The following IL33 variants were observed in gnomAD, a reference collection of about 807,000 sequenced individuals.
The protein encoded by IL33 is interleukin 33.
IL33 carries 37 observed loss-of-function variants against 27.3 expected under a neutral mutation model. The ratio of observed to expected loss-of-function variants is 1.36; its 90% CI spans 1.04 to 1.78. IL33 has a LOEUF of 1.78. Ranked by LOEUF, IL33 falls within the 40% of genes most tolerant of loss-of-function variation. The pLI is 0.00. For missense variants in IL33, 406 were observed against 311.4 expected (o/e 1.30, Z -2.29); for synonymous variants, 132 against 102.9 (o/e 1.28, Z -1.71).
At chr9:6,234,703 C>A (rs1407956134) in intron 1 of IL33, among the ~76,000 whole-genome samples, 2 of 152,120 alleles carry the variant, frequency 1.3e-5, no homozygotes, top group Non-Finnish European at 2.9e-5. Context: ...GTCCTCACTG[C>A]TTTTTGCCTG....
chr9:6,253,256 G>A (rs1353608635), intron 5 of IL33, among the ~76,000 whole-genome samples: 1 of 152,150 alleles, frequency 6.6e-6, no homozygotes, highest in East Asian at 1.9e-4. Context: ...GGGGCCACAT[G>A]TATTTGCTAT....
chr9:6,252,095 ACCAAC>A (rs1816430398), intron 4 of IL33, among the ~76,000 whole-genome samples: 10 of 123,546 alleles, frequency 8.1e-5, no homozygotes, highest in East Asian at 4.6e-4. Flanking sequence ...AAACAAAAAA[ACCAAC>A]TTTACCTGGA....
At chr9:6,236,172 C>T (rs937416145) in intron 1 of IL33, among the ~76,000 whole-genome samples, 9 of 151,790 alleles carry the variant, frequency 5.9e-5, no homozygotes, top group Non-Finnish European at 8.8e-5. Flanking sequence ...TGATTGAATG[C>T]TATTTATAAT....
At chr9:6,228,683 C>T (rs1818772195) in intron 1 of IL33, among the ~76,000 whole-genome samples, 1 of 151,698 alleles carries the variant, frequency 6.6e-6, no homozygotes, top group South Asian at 2.1e-4. Flanking sequence ...AAAGCGAGAC[C>T]CTGTCTCTAC....
At chr9:6,236,427 A>G (rs1272172697) in intron 1 of IL33, among the ~76,000 whole-genome samples, 3 of 152,218 alleles carry the variant, frequency 2.0e-5, no homozygotes, top group Admixed American at 6.5e-5. Flanking sequence ...ATTACTTTAA[A>G]TGTTTTCAAC....
rs1113573 is a variant in IL33 at position 6,253,301 on chromosome 9, T to A, written c.470-251T>A. Reference sequence around the variant, plus strand: ...ATCCACCAGATCTTTCTAGCCCTATTAGTATCACCAAAGTACAACCTTTAT... The same window carrying A: ...ATCCACCAGATCTTTCTAGCCCTATAAGTATCACCAAAGTACAACCTTTAT... On this transcript the variant is annotated intron_variant, in intron 5 of 7. Coordinates refer to ENST00000682010, the MANE Select transcript of IL33 (RefSeq NM_033439.4). Among the ~76,000 whole-genome samples, 20 of 151,828 alleles carry A rather than the reference T, an allele frequency of 1.3e-4. 1 individual carries two copies. Among genetic ancestry groups the A allele is most frequent in the African/African-American group, 4.6e-4 (19 of 41,422 alleles).
intron 7 of IL33, 146 bp from the exon 8 acceptor site, chr9:6,255,822 C>T (rs752594722): frequency 6.2e-6 from 4 of 645,518 alleles, no homozygotes; most frequent in South Asian, 1.9e-5. Flanking sequence ...ACTTCTCCCC[C>T]TCTTCCCTCC....
At chr9:6,244,380 C>T (rs1418435591) in intron 2 of IL33, among the ~76,000 whole-genome samples, 4 of 152,136 alleles carry the variant, frequency 2.6e-5, no homozygotes, top group Admixed American at 2.6e-4. Flanking sequence ...AGACACCCAA[C>T]AGATGCTTAA....
chr9:6,256,280 C>A lies in IL33; in HGVS notation c.*112C>A. The stretch of plus-strand genomic sequence containing the variant: ...TCTAAGGGAAATGAAGAGTGCTTAG[C>A]ATGTGTGGAATGTTTTCCATATTAT... On this transcript the variant is annotated 3_prime_UTR_variant, in exon 8 of 8. Transcript: ENST00000682010. 2 of 731,042 alleles carry A rather than the reference C, an allele frequency of 2.7e-6. No individual in the cohort carries two copies. The highest frequency in any genetic ancestry group is 2.3e-6 in the Non-Finnish European group (1 of 436,822). The allele number at this position is 731,042 out of a possible 1,614,324, so 45.3% of individuals were successfully genotyped here.
chr9:6,257,173 G>C lies in IL33; in HGVS notation c.*1005G>C, dbSNP rs1263387867. ...ATGGCCTACCATCCCTTCTGACCCT[G>C]GCTTCCAGGGACCTATGTCTTTTAA... On this transcript the variant is annotated 3_prime_UTR_variant, in exon 8 of 8. Transcript: ENST00000682010. 1 of 152,078 alleles carries C rather than the reference G, an allele frequency of 6.6e-6. No individual in the cohort carries two copies. Among genetic ancestry groups the C allele is most frequent in the Non-Finnish European group, 1.5e-5 (1 of 68,024 alleles). The allele number at this position is 152,078 out of a possible 1,614,324, so 9.4% of individuals were successfully genotyped here.
At chr9:6,248,240 C>CTTTTTTTTTTTTTTTTT (rs1179234471) in intron 2 of IL33, among the ~76,000 whole-genome samples, 5 of 84,878 alleles carry the variant, frequency 5.9e-5, no homozygotes, top group African/African-American at 1.3e-4. Context: ...CTTTTCTTTT[C>CTTTTTTTTTTTTTTTTT]TTTTTTTTTT....
At chr9:6,248,930 T>G (rs1816172404) in intron 2 of IL33, among the ~76,000 whole-genome samples, 1 of 152,210 alleles carries the variant, frequency 6.6e-6, no homozygotes, top group African/African-American at 2.4e-5. Flanking sequence ...TCTGTGATAG[T>G]AGCAGAAAAT....
chr9:6,242,463 A>G lies in IL33; in HGVS notation c.91+678A>G, dbSNP rs1246017899. The stretch of plus-strand genomic sequence containing the variant: ...GGAGTTATTTCTAAACAGAACTACC[A>G]TCAGCATTGTCTATTTCAGAAAAAA... On this transcript the variant is annotated intron_variant, in intron 2 of 7. Transcript: ENST00000682010. 2.0e-5 allele frequency: 3 copies of G among 152,264 alleles called. No homozygotes were observed. The East Asian group carries it at 5.8e-4, about 29-fold the overall frequency. The allele number at this position is 152,264 out of a possible 1,614,324, so 9.4% of individuals were successfully genotyped here.
chr9:6,245,304 A>T (rs1473884083), intron 2 of IL33, among the ~76,000 whole-genome samples: 2 of 152,218 alleles, frequency 1.3e-5, no homozygotes, highest in African/African-American at 4.8e-5. Flanking sequence ...TAGTTTCTCT[A>T]AAAAAATCCA....
intron 1 of IL33, among the ~76,000 whole-genome samples, chr9:6,216,656 G>A (rs1219836088): frequency 2.0e-5 from 3 of 152,158 alleles, no homozygotes; most frequent in Non-Finnish European, 2.9e-5. Flanking sequence ...GCTAAGGCAG[G>A]AGAATCGCTT....
At chr9:6,220,880 A>G (rs139634764) in intron 1 of IL33, among the ~76,000 whole-genome samples, 25 of 152,204 alleles carry the variant, frequency 1.6e-4, no homozygotes, top group African/African-American at 6.0e-4. Flanking sequence ...CAGCCTCCTA[A>G]GTAGCTGAGA....
intron 1 of IL33, among the ~76,000 whole-genome samples, chr9:6,224,251 A>G (rs1273073655): frequency 6.6e-6 from 1 of 152,196 alleles, no homozygotes; most frequent in Non-Finnish European, 1.5e-5. Flanking sequence ...GAACTTAGGC[A>G]CACTTTCACT....
Position 6,248,007 on chromosome 9 carries a change from C to T in IL33, c.92-2467C>T, listed in dbSNP as rs78100995. Among the ~76,000 whole-genome samples, 4 of 152,036 alleles carry T rather than the reference C, an allele frequency of 2.6e-5. No homozygotes were observed. The East Asian group carries it at 7.7e-4, about 29-fold the overall frequency. On this transcript the variant is annotated intron_variant, in intron 2 of 7. Transcript: ENST00000682010. ...ACCCAAGACTGATATCCTGTTCCCC[C>T]CAGAGTCCACACTCAGTATTAGGCA...
chr9:6,225,178 T>C (rs1274126972), intron 1 of IL33, among the ~76,000 whole-genome samples: 1 of 152,078 alleles, frequency 6.6e-6, no homozygotes, highest in East Asian at 1.9e-4. Flanking sequence ...CTTACCCCCA[T>C]CCAAAAAATG....
Sources: gnomAD v4.1 joint callset for allele counts (sites outside exome capture counted in the v4.1 genomes callset) on GRCh38, gnomAD v4.1.1 for gene constraint, MANE v1.5 for transcripts, NCBI Gene and HGNC (gene_info 2026-07-23, HGNC 2026-07-21) for gene names.